The following CACNA2D2 variants were observed in gnomAD, a reference collection of about 807,000 sequenced individuals.
CACNA2D2 encodes calcium voltage-gated channel auxiliary subunit alpha2delta 2.
In CACNA2D2, 48 loss-of-function variants were observed where a neutral mutation model predicts 166.4. The ratio of observed to expected loss-of-function variants is 0.29; its 90% confidence interval spans 0.23 to 0.37. The LOEUF (loss-of-function observed/expected upper bound fraction) is 0.37, where lower values mean the gene tolerates loss of function less well. Among genes scored for constraint, CACNA2D2 ranks in the 10% least tolerant of loss-of-function variants. The pLI, the probability that CACNA2D2 is intolerant of heterozygous loss-of-function variation, is 1.00. For missense variants in CACNA2D2, 1,122 were observed against 1,433.0 expected (o/e 0.78, Z 3.50); for synonymous variants, 561 against 573.7 (o/e 0.98, Z 0.32).
chr3:50,486,711 C>A (rs1396167214), intron 1 of CACNA2D2, among the ~76,000 whole-genome samples: 1 of 152,216 alleles, frequency 6.6e-6, no homozygotes, highest in Non-Finnish European at 1.5e-5. Context: ...AGCCACAGTT[C>A]TCACCACACT....
chr3:50,365,239 C>CCCAA lies in CACNA2D2; in HGVS notation c.3099-56_3099-55insTTGG. 1 of 1,571,786 alleles carries CCCAA rather than the reference C, an allele frequency of 6.4e-7. No individual in the cohort carries two copies. Among genetic ancestry groups the CCCAA allele is most frequent in the Non-Finnish European group, 8.7e-7 (1 of 1,153,132 alleles). On this transcript the variant is annotated intron_variant, in intron 35 of 37. Coordinates refer to ENST00000424201, the MANE Select transcript of CACNA2D2 (RefSeq NM_006030.4). This position sits in a 1 kb window ranked among gnomAD's most constrained non-coding sequence, Gnocchi z 4.5. ...GAGTTTGCCCCGCCCTGACCCACCCCCATCCTGCGGCCCCGCCCCCGGCCG... is the reference window on the plus strand; with the variant it reads ...GAGTTTGCCCCGCCCTGACCCACCCCCCAACATCCTGCGGCCCCGCCCCCGGCCG...
intron 2 of CACNA2D2, among the ~76,000 whole-genome samples, chr3:50,471,070 C>G (rs553329018): frequency 6.6e-6 from 1 of 152,304 alleles, no homozygotes; most frequent in East Asian, 1.9e-4. Context: ...TTCCCCACTG[C>G]CCCCCACCCT....
At chr3:50,468,732 T>C (rs1559978892) in intron 2 of CACNA2D2, among the ~76,000 whole-genome samples, 1 of 151,954 alleles carries the variant, frequency 6.6e-6, no homozygotes, top group East Asian at 1.9e-4. Context: ...TATTTTCTTA[T>C]GCACTAACTT....
At chr3:50,490,547 T>C (rs927563939) in intron 1 of CACNA2D2, among the ~76,000 whole-genome samples, 2 of 152,170 alleles carry the variant, frequency 1.3e-5, no homozygotes, top group African/African-American at 2.4e-5. Context: ...GAAAACTCCT[T>C]GCAAAAGCCA....
intron 3 of CACNA2D2, among the ~76,000 whole-genome samples, chr3:50,395,883 G>A (rs1001385421): frequency 3.3e-5 from 5 of 152,078 alleles, no homozygotes; most frequent in South Asian, 2.1e-4. Context: ...CTGGGGTCCC[G>A]GGAGCAGGGG....
chr3:50,471,410 T>A (rs528894678), intron 2 of CACNA2D2, among the ~76,000 whole-genome samples: 1 of 152,268 alleles, frequency 6.6e-6, no homozygotes, highest in African/African-American at 2.4e-5. Context: ...CTTGTGCTCC[T>A]CTTGCCTGGC....
chr3:50,483,276 A>C (rs139054326), intron 1 of CACNA2D2, among the ~76,000 whole-genome samples: 32 of 152,258 alleles, frequency 2.1e-4, no homozygotes, highest in South Asian at 4.1e-4. Context: ...GCATGCACAC[A>C]GGAACCAAGG....
Position 50,368,131 on chromosome 3 carries a change from C to T in CACNA2D2, c.2143+7G>A, listed in dbSNP as rs1028632713. 1.9e-6 allele frequency: 3 copies of T among 1,599,650 alleles called. No homozygotes were observed. The highest frequency in any genetic ancestry group is 3.3e-5 in the Admixed American group (2 of 60,014). ...GCCCAGAGCCAGCTGCCCTGCCAGG[C>T]ACTCACACTGCTTGGAGTCTGGAGT... On this transcript the variant is annotated splice_region_variant and intron_variant, in intron 24 of 37. Transcript: ENST00000424201.
At chr3:50,487,650 C>T (rs1698346830) in intron 1 of CACNA2D2, among the ~76,000 whole-genome samples, 1 of 152,146 alleles carries the variant, frequency 6.6e-6, no homozygotes, top group East Asian at 1.9e-4. Context: ...AAGCAAGGGG[C>T]TTCTAGTGCA....
intron 3 of CACNA2D2, among the ~76,000 whole-genome samples, chr3:50,406,532 T>A (rs1286995924): frequency 6.6e-6 from 1 of 151,548 alleles, no homozygotes; most frequent in Non-Finnish European, 1.5e-5. Context: ...CCATCATCAC[T>A]GTTGTTCCCC....
In CACNA2D2 at chr3:50,464,690, A is replaced by G. The variant is rs546234647; in HGVS notation, c.288+11428T>C. 3.3e-5 allele frequency among the ~76,000 whole-genome samples: 5 copies of G among 152,292 alleles called. No individual in the cohort carries two copies. In the South Asian group the frequency reaches 1.0e-3, roughly 32 times the overall value. ...GGGCCTAGTCTGCTTTGCCCCTAGA[A>G]GGCTCCAGACCTGCTCCTTCGTTTC... On this transcript the variant is annotated intron_variant, in intron 2 of 37. Coordinates refer to ENST00000424201, the MANE Select transcript of CACNA2D2 (RefSeq NM_006030.4).
At position 50,367,096 on chromosome 3, in the gene CACNA2D2, C is replaced by T. The variant is rs587642654; in HGVS notation, c.2415G>A (p.Pro805=). ...KPPHQDALLR[P]LELENDTVGI... is the part of the protein sequence containing the mutation. ...CCACAGTGTCATTCTCCAGCTCCAG[C>T]GGCCTTAACAGGGCTGGGGGTTGGG... Residue 805 remains proline (P), a synonymous_variant, in exon 28 of 38, where the codon CCG becomes CCA. Coordinates refer to ENST00000424201, the MANE Select transcript of CACNA2D2 (RefSeq NM_006030.4). The surrounding 1 kb of genome is among the most constrained non-coding windows in gnomAD (Gnocchi z 6.5). 68 of 1,613,030 alleles carry T rather than the reference C, an allele frequency of 4.2e-5. No homozygotes were observed. Among genetic ancestry groups the T allele is most frequent in the African/African-American group, 6.7e-5 (5 of 75,044 alleles).
intron 1 of CACNA2D2, among the ~76,000 whole-genome samples, chr3:50,489,372 G>T (rs181442087): frequency 6.6e-6 from 1 of 152,134 alleles, no homozygotes; most frequent in Non-Finnish European, 1.5e-5. Flanking sequence ...ACTTCCCCCC[G>T]CGCTGGCTCA....
chr3:50,433,880 G>A (rs1708187069), intron 3 of CACNA2D2, among the ~76,000 whole-genome samples: 1 of 152,166 alleles, frequency 6.6e-6, no homozygotes, highest in Non-Finnish European at 1.5e-5. Flanking sequence ...GGGGCTTGCA[G>A]AGCCCCCTCG....
Position 50,476,135 on chromosome 3 carries a change from C to A in CACNA2D2, c.271G>T (p.Val91Phe). ...GGGCTCACCTCACGGAGCTGCTGGA[C>A]GCCTCCAAAAATCCGCATCACGCCG... ...VDGVMRIFGG[V>F]QQLREIYKDN... The change falls in exon 2 of 38, where the codon GTC becomes TTC. Residue 91 changes from valine to phenylalanine, a missense_variant. This residue lies in a region of CACNA2D2 where 840 missense variants were observed against 1,166.8 expected (regional missense o/e 0.72). Transcript: ENST00000424201. 1.2e-6 allele frequency: 2 copies of A among 1,602,276 alleles called. No individual in the cohort carries two copies. Among genetic ancestry groups the A allele is most frequent in the Non-Finnish European group, 8.5e-7 (1 of 1,174,888 alleles).
chr3:50,391,028 G>A lies in CACNA2D2; in HGVS notation c.465+3081C>T, dbSNP rs141566050. 6.2e-3 allele frequency among the ~76,000 whole-genome samples: 951 copies of A among 152,360 alleles called. 2 individuals are homozygous for A. The highest frequency in any genetic ancestry group is 9.7e-3 in the Non-Finnish European group (659 of 68,030). ...AAGAGGACTGTTTTCTGAGAGAGCC[G>A]TCTGTCGCTGGCTTGGCAGAGGCAG... On this transcript the variant is annotated intron_variant, in intron 4 of 37. Transcript: ENST00000424201.
At chr3:50,465,846 A>C (rs934087504) in intron 2 of CACNA2D2, among the ~76,000 whole-genome samples, 5 of 152,156 alleles carry the variant, frequency 3.3e-5, no homozygotes, top group African/African-American at 1.2e-4. Flanking sequence ...CTCTTCTCTA[A>C]GCCCAAAGGA....
At position 50,365,192 on chromosome 3, in the gene CACNA2D2, C is replaced by G. The variant is rs201346112; in HGVS notation, c.3099-8G>C. 11 of 1,611,498 alleles carry G rather than the reference C, an allele frequency of 6.8e-6. No homozygotes were observed. The Admixed American group carries it at 8.4e-5, about 12-fold the overall frequency. On this transcript the variant is annotated splice_region_variant and splice_polypyrimidine_tract_variant and intron_variant, in intron 35 of 37. Transcript: ENST00000424201. The surrounding 1 kb of genome is among the most constrained non-coding windows in gnomAD (Gnocchi z 4.5). ...CTCTGCGCGTGGAACAGCCTGCGGG[C>G]AGCCCGGAAAGGCGGGGCGTTGAGT...
chr3:50,487,710 T>C (rs536720497), intron 1 of CACNA2D2, among the ~76,000 whole-genome samples: 4 of 152,250 alleles, frequency 2.6e-5, no homozygotes, highest in African/African-American at 9.6e-5. Context: ...AGAAGCCACC[T>C]TGCCTGGTGA....
Sources: allele counts gnomAD v4.1 joint callset (sites outside exome capture counted in the v4.1 genomes callset), GRCh38; gene constraint gnomAD v4.1.1; regional missense constraint gnomAD v4.1.1; non-coding constraint Gnocchi (gnomAD v3.1); transcripts MANE v1.5; gene names NCBI Gene and HGNC (gene_info 2026-07-23, HGNC 2026-07-21).